TCF4: variants seen among roughly 807,000 people sequenced by gnomAD.
TCF4 encodes SL3-3 enhancer factor 2.
Under a neutral mutation model 82.1 loss-of-function variants are expected in TCF4, and 3 were observed. That is an observed-to-expected ratio of 0.04 (90% CI 0.02 to 0.09). TCF4 has a LOEUF of 0.09. Ranked by LOEUF, TCF4 falls within the 10% of genes least tolerant of loss-of-function variation. The pLI is 1.00. For synonymous variants in TCF4, 276 were observed against 309.6 expected, an observed-to-expected ratio of 0.89 and a Z score of 1.14; for missense variants, 518 against 852.7, an observed-to-expected ratio of 0.61 and a Z score of 4.89.
intron 5 of TCF4, among the ~76,000 whole-genome samples, chr18:55,446,485 G>A (rs1020539509): frequency 2.2e-4 from 33 of 152,262 alleles, no homozygotes; most frequent in African/African-American, 7.7e-4. Context: ...CAAGGCTTTA[G>A]AGTTCAGCAG....
At chr18:55,547,932 T>G (rs2097220596) in intron 3 of TCF4, among the ~76,000 whole-genome samples, 1 of 152,256 alleles carries the variant, frequency 6.6e-6, no homozygotes, top group Non-Finnish European at 1.5e-5. Context: ...AGCACTCATA[T>G]TCTTTGCAAC....
intron 6 of TCF4, among the ~76,000 whole-genome samples, chr18:55,351,569 T>C (rs2082326955): frequency 1.3e-5 from 2 of 151,916 alleles, no homozygotes; most frequent in African/African-American, 4.8e-5. Context: ...CTCTCAAAAT[T>C]ACAGAAATAG....
intron 6 of TCF4, among the ~76,000 whole-genome samples, chr18:55,356,632 G>A (rs1029659004): frequency 1.3e-5 from 2 of 152,074 alleles, no homozygotes; most frequent in African/African-American, 4.8e-5. Flanking sequence ...TGTTACATTC[G>A]AACTCTTGCT....
At chr18:55,232,376 G>A in intron 17 of TCF4, 133 bp downstream of exon 17, 1 of 931,796 alleles carries the variant, frequency 1.1e-6, no homozygotes, top group Non-Finnish European at 1.6e-6. Flanking sequence ...TACTTCTAGA[G>A]TAGGCCTTTA....
chr18:55,245,934 AT>A (rs2052995712), intron 15 of TCF4, among the ~76,000 whole-genome samples: 1 of 152,252 alleles, frequency 6.6e-6, no homozygotes, highest in Admixed American at 6.5e-5. Flanking sequence ...AGCACAGCAG[AT>A]GCAGAAAGAG....
chr18:55,269,215 AAATT>A (rs761577874), intron 11 of TCF4: 125 of 154,962 alleles, frequency 8.1e-4, no homozygotes, highest in South Asian at 5.0e-3. Flanking sequence ...TCCTTGGTAA[AAATT>A]AATTAATTAA....
At chr18:55,359,533 G>T (rs1194346655) in intron 6 of TCF4, among the ~76,000 whole-genome samples, 2 of 152,106 alleles carry the variant, frequency 1.3e-5, no homozygotes, top group Non-Finnish European at 2.9e-5. Context: ...CTCAGTAAAG[G>T]CCAACTGGAT....
At chr18:55,586,861 A>G in intron 2 of TCF4, 184 bp downstream of exon 2, 1 of 565,344 alleles carries the variant, frequency 1.8e-6, no homozygotes, top group South Asian at 2.0e-5. Context: ...AAAAGCCTGA[A>G]TCTTCCATCA....
intron 5 of TCF4, among the ~76,000 whole-genome samples, chr18:55,444,419 G>A (rs1222346937): frequency 6.6e-6 from 1 of 152,154 alleles, no homozygotes; most frequent in Admixed American, 6.5e-5. Context: ...CACAGCAGAG[G>A]ATGGTGACCG....
chr18:55,624,576 T>TA (rs35159003), intron 2 of TCF4, among the ~76,000 whole-genome samples: 58,250 of 137,100 alleles, frequency 0.42, 14,137 homozygotes, highest in Admixed American at 0.6. Flanking sequence ...AGACCCAGAT[T>TA]AAAAAAAAAA....
chr18:55,514,025 T>C (rs909980488), intron 3 of TCF4, among the ~76,000 whole-genome samples: 12 of 152,182 alleles, frequency 7.9e-5, no homozygotes, highest in African/African-American at 2.7e-4. Context: ...GCAAAATCTA[T>C]GTTCTTGATT....
At chr18:55,605,374 T>C (rs576059992) in intron 2 of TCF4, among the ~76,000 whole-genome samples, 1 of 152,286 alleles carries the variant, frequency 6.6e-6, no homozygotes, top group South Asian at 2.1e-4. Context: ...AGATGAAAAA[T>C]TCCATCCGAT....
chr18:55,432,382 GAAGT>G (rs1409457223), intron 5 of TCF4, among the ~76,000 whole-genome samples: 1 of 152,036 alleles, frequency 6.6e-6, no homozygotes, highest in Non-Finnish European at 1.5e-5. Context: ...TCCTCTTCAT[GAAGT>G]AAGTAGCAGG....
At chr18:55,437,471 A>G (rs1399887593) in intron 5 of TCF4, among the ~76,000 whole-genome samples, 1 of 152,234 alleles carries the variant, frequency 6.6e-6, no homozygotes, top group Non-Finnish European at 1.5e-5. Context: ...TGATCTAAAA[A>G]TTATTAATTT....
chr18:55,422,449 C>G, intron 5 of TCF4: 1 of 983,222 alleles, frequency 1.0e-6, no homozygotes, highest in Middle Eastern at 5.2e-4. Flanking sequence ...AAAAGTTTGC[C>G]AGAAATTCTC....
intron 3 of TCF4, among the ~76,000 whole-genome samples, chr18:55,535,081 T>C (rs988295717): frequency 2.6e-5 from 4 of 152,244 alleles, no homozygotes; most frequent in Non-Finnish European, 5.9e-5. Context: ...CACTTTACCA[T>C]AGCCAACACA....
At chr18:55,265,070 A>G (rs1432637730) in intron 11 of TCF4, 1 of 152,174 alleles carries the variant, frequency 6.6e-6, no homozygotes, top group Non-Finnish European at 1.5e-5. Flanking sequence ...GGAAATGTTC[A>G]TTCCCATTAG....
At chr18:55,494,749 A>G (rs567042392) in intron 3 of TCF4, among the ~76,000 whole-genome samples, 9 of 152,142 alleles carry the variant, frequency 5.9e-5, no homozygotes, top group Non-Finnish European at 8.8e-5. Context: ...CTTCTATTAC[A>G]TGGAAGCCTT....
chr18:55,272,205 T>C (rs948007107), intron 10 of TCF4, among the ~76,000 whole-genome samples: 2 of 152,144 alleles, frequency 1.3e-5, no homozygotes, highest in East Asian at 1.9e-4. Context: ...ATGGAATCCA[T>C]GTAAATCAGT....
Sources: gnomAD v4.1 joint callset for allele counts (sites outside exome capture counted in the v4.1 genomes callset) on GRCh38, gnomAD v4.1.1 for gene constraint, MANE v1.5 for transcripts, NCBI Gene and HGNC (gene_info 2026-07-23, HGNC 2026-07-21) for gene names.